Variants in ARHGEF11 observed in about 807,000 individuals in gnomAD.
ARHGEF11 encodes Rho guanine nucleotide exchange factor 11.
Under a neutral mutation model 193.7 loss-of-function variants are expected in ARHGEF11, and 55 were observed. The observed-to-expected ratio is 0.28, with a 90% CI of 0.23 to 0.36. The LOEUF (loss-of-function observed/expected upper bound fraction) is 0.36, where lower values mean the gene tolerates loss of function less well. Among genes scored for constraint, ARHGEF11 ranks in the 10% least tolerant of loss-of-function variants. The probability of loss-of-function intolerance (pLI) is 1.00; values close to 1 mark genes in which losing one functional copy is unlikely to be tolerated. For missense variants in ARHGEF11, 1,723 were observed against 2,005.6 expected (o/e 0.86, Z 2.69); for synonymous variants, 693 against 768.0 (o/e 0.90, Z 1.62).
intron 3 of ARHGEF11, among the ~76,000 whole-genome samples, chr1:156,981,322 C>T (rs926514800): frequency 1.1e-4 from 17 of 152,198 alleles, no homozygotes; most frequent in African/African-American, 1.2e-4. Context: ...GGATTATAGG[C>T]GTGAGCCTCC....
intron 1 of ARHGEF11, among the ~76,000 whole-genome samples, chr1:157,016,364 C>T: frequency 7.1e-6 from 1 of 141,538 alleles, no homozygotes; most frequent in Non-Finnish European, 1.5e-5. Context: ...GGATTATAGA[C>T]ACCTGCCACC....
At chr1:156,942,629 T>C (rs551888247) in intron 33 of ARHGEF11, 61 bp downstream of exon 33, 1 of 1,526,296 alleles carries the variant, frequency 6.6e-7, no homozygotes, top group Admixed American at 1.7e-5. Context: ...ACTGTCCTCA[T>C]AAACACCACC....
Position 156,958,882 on chromosome 1 carries a change from A to G in ARHGEF11, c.1380-18T>C, listed in dbSNP as rs376174521. ...GCTTCGTTCTAAGCCAGATAAACAC[A>G]GGGAAAGAAAGAAATATACACAAAT... is the stretch of plus-strand genomic sequence containing the variant. On this transcript the variant is annotated intron_variant, in intron 16 of 40. Coordinates refer to ENST00000368194, the MANE Select transcript of ARHGEF11 (RefSeq NM_198236.3). 5.7e-5 allele frequency: 92 copies of G among 1,613,878 alleles called. No individual in the cohort carries two copies. The African/African-American group carries it at 1.1e-3, about 20-fold the overall frequency.
At position 156,947,457 on chromosome 1, in the gene ARHGEF11, G is replaced by A. The variant is rs375823884; in HGVS notation, c.2342-7C>T. On this transcript the variant is annotated splice_polypyrimidine_tract_variant and splice_region_variant and intron_variant, in intron 25 of 40. Coordinates refer to ENST00000368194, the MANE Select transcript of ARHGEF11 (RefSeq NM_198236.3). The stretch of plus-strand genomic sequence containing the variant: ...GCTTCAGTCACAAACAGCTCTGAGC[G>A]GTGGTTGTGACAAGGAGGGTAGAAA... The A allele has an allele frequency of 1.0e-4, 163 of 1,588,798 alleles. No individual in the cohort carries two copies. Among genetic ancestry groups the A allele is most frequent in the Admixed American group, 2.0e-4 (11 of 54,798 alleles).
intron 1 of ARHGEF11, among the ~76,000 whole-genome samples, chr1:157,037,862 T>C (rs1035001212): frequency 1.3e-5 from 2 of 151,282 alleles, no homozygotes; most frequent in Non-Finnish European, 2.9e-5. Flanking sequence ...GAAACCCCCG[T>C]CTCTACTAAA....
chr1:156,938,746 A>G (rs1656090755), intron 37 of ARHGEF11: 1 of 507,220 alleles, frequency 2.0e-6, no homozygotes, highest in Non-Finnish European at 3.5e-6. Flanking sequence ...CCCAGGAGAC[A>G]GGTGGCCCTT....
At chr1:156,952,697 G>A (rs1659299240) in intron 21 of ARHGEF11, among the ~76,000 whole-genome samples, 3 of 152,254 alleles carry the variant, frequency 2.0e-5, no homozygotes, top group Non-Finnish European at 4.4e-5. Flanking sequence ...TTTAGCTGCT[G>A]TCTTCACAGT....
chr1:156,971,154 GA>G (rs1007386009), intron 8 of ARHGEF11, among the ~76,000 whole-genome samples: 1 of 152,184 alleles, frequency 6.6e-6, no homozygotes. Context: ...CAAAGTCCCT[GA>G]AGAGAATAGA....
At chr1:157,000,164 T>C (rs951882700) in intron 1 of ARHGEF11, among the ~76,000 whole-genome samples, 2 of 152,210 alleles carry the variant, frequency 1.3e-5, no homozygotes, top group Admixed American at 6.5e-5. Context: ...CGTTTTGCCA[T>C]GTGGGCCAGG....
chr1:157,026,232 T>C (rs1364424696), intron 1 of ARHGEF11, among the ~76,000 whole-genome samples: 5 of 152,238 alleles, frequency 3.3e-5, no homozygotes, highest in African/African-American at 4.8e-5. Context: ...AAGTTACCAC[T>C]TTGGGAGATT....
At position 157,045,284 on chromosome 1, in the gene ARHGEF11, C is replaced by T. The variant is rs1365165211; in HGVS notation, c.-954G>A. The T allele has an allele frequency of 1.3e-5, 2 of 152,204 alleles. No homozygotes were observed. The highest frequency in any genetic ancestry group is 4.8e-5 in the African/African-American group (2 of 41,424). The allele number at this position is 152,204 out of a possible 1,614,324, so 9.4% of individuals were successfully genotyped here. ...TCGGCCTTTTTCTGAAAGACAATTTCCTGAGTTAGTTCTGCTGTTGGGCTC... is the reference window on the plus strand; with the variant it reads ...TCGGCCTTTTTCTGAAAGACAATTTTCTGAGTTAGTTCTGCTGTTGGGCTC... On this transcript the variant is annotated 5_prime_UTR_variant, in exon 1 of 41. Coordinates refer to ENST00000368194, the MANE Select transcript of ARHGEF11 (RefSeq NM_198236.3).
intron 1 of ARHGEF11, among the ~76,000 whole-genome samples, chr1:156,988,775 G>A (rs772505777): frequency 8.5e-5 from 13 of 152,156 alleles, no homozygotes; most frequent in Non-Finnish European, 4.4e-5. Context: ...AGATGGCAAC[G>A]TAAGTATACT....
chr1:156,939,576 T>C lies in ARHGEF11; in HGVS notation c.4068A>G (p.Ala1356=), dbSNP rs1656342244. ...NLAEDASSTE[A]AGGYKVVRKA... ...TTCTCACAACTTTGTAACCTCCTGC[T>C]GCCTCTGTGCTTGAAGCATCTTCAG... The change falls in exon 37 of 41, where the codon GCA becomes GCG. Residue 1356 remains alanine (A), a synonymous_variant. Transcript: ENST00000368194. 1 of 1,612,754 alleles carries C rather than the reference T, an allele frequency of 6.2e-7. No homozygotes were observed. The highest frequency in any genetic ancestry group is 1.7e-5 in the Admixed American group (1 of 60,008).
intron 1 of ARHGEF11, among the ~76,000 whole-genome samples, chr1:157,032,273 C>A (rs1671398809): frequency 6.6e-6 from 1 of 152,290 alleles, no homozygotes; most frequent in Admixed American, 6.5e-5. Flanking sequence ...GCCACCGAAG[C>A]AATTCCCAGC....
intron 11 of ARHGEF11, 154 bp downstream of exon 11, chr1:156,967,833 C>T (rs1661910850): frequency 1.1e-6 from 1 of 907,326 alleles, no homozygotes; most frequent in African/African-American, 1.7e-5. Flanking sequence ...TCTTTCTTTA[C>T]TATTTGCTCT....
intron 1 of ARHGEF11, among the ~76,000 whole-genome samples, chr1:157,035,502 T>G (rs971051965): frequency 2.1e-4 from 31 of 151,176 alleles, no homozygotes; most frequent in African/African-American, 7.3e-4. Flanking sequence ...GCCTCCTGGG[T>G]TCAAGCCATT....
intron 1 of ARHGEF11, among the ~76,000 whole-genome samples, chr1:157,013,541 A>G (rs2102819475): frequency 6.6e-6 from 1 of 150,684 alleles, no homozygotes; most frequent in South Asian, 2.1e-4. Context: ...TTTACTTGGT[A>G]TTCTCCCTCC....
At chr1:156,954,019 A>C (rs1208755259) in intron 21 of ARHGEF11, among the ~76,000 whole-genome samples, 2 of 152,218 alleles carry the variant, frequency 1.3e-5, no homozygotes, top group African/African-American at 4.8e-5. Context: ...TTGGAGACCC[A>C]TACTTTACAT....
chr1:157,033,624 C>T (rs774830528), intron 1 of ARHGEF11, among the ~76,000 whole-genome samples: 4 of 152,190 alleles, frequency 2.6e-5, no homozygotes, highest in Non-Finnish European at 5.9e-5. Flanking sequence ...CCTCTAAGAG[C>T]ATTACACGGT....
Sources: gnomAD v4.1 joint callset for allele counts (sites outside exome capture counted in the v4.1 genomes callset) on GRCh38, gnomAD v4.1.1 for gene constraint, MANE v1.5 for transcripts, NCBI Gene and HGNC (gene_info 2026-07-23, HGNC 2026-07-21) for gene names.